SCN3A: variants seen among roughly 807,000 people sequenced by gnomAD.
The protein encoded by SCN3A is sodium channel protein type 3 subunit alpha.
In SCN3A, 60 loss-of-function variants were observed where a neutral mutation model predicts 187.6. The observed-to-expected ratio is 0.32, with a 90% CI of 0.26 to 0.40. SCN3A has a LOEUF of 0.40. Among genes scored for constraint, SCN3A ranks in the 10% least tolerant of loss-of-function variants. The pLI, the probability that SCN3A is intolerant of heterozygous loss-of-function variation, is 1.00. For synonymous variants in SCN3A, 788 were observed against 829.2 expected (o/e 0.95, Z 0.85); for missense variants, 1,601 against 2,428.2 (o/e 0.66, Z 7.16).
At chr2:165,193,690 A>G (rs545048088) in intron 1 of SCN3A, among the ~76,000 whole-genome samples, 14 of 152,246 alleles carry the variant, frequency 9.2e-5, no homozygotes, top group African/African-American at 3.4e-4. Flanking sequence ...TGCCTTTTTC[A>G]CTTGGCAACC....
At chr2:165,186,963 G>A (rs188612711) in intron 1 of SCN3A, among the ~76,000 whole-genome samples, 1 of 152,238 alleles carries the variant, frequency 6.6e-6, no homozygotes, top group East Asian at 1.9e-4. Flanking sequence ...AGGATCCTAG[G>A]GTTGGGACAG....
chr2:165,126,356 G>A (rs1686985644), intron 18 of SCN3A, among the ~76,000 whole-genome samples: 1 of 152,010 alleles, frequency 6.6e-6, no homozygotes, highest in Non-Finnish European at 1.5e-5. Flanking sequence ...TAATCATGCA[G>A]TAGGAACAAT....
intron 15 of SCN3A, among the ~76,000 whole-genome samples, chr2:165,133,281 G>A (rs1687459544): frequency 6.6e-6 from 1 of 152,016 alleles, no homozygotes; most frequent in Non-Finnish European, 1.5e-5. Context: ...CCCATTACTG[G>A]GTATATACCC....
At chr2:165,129,494 A>G (rs1023492278) in intron 17 of SCN3A, among the ~76,000 whole-genome samples, 2 of 152,348 alleles carry the variant, frequency 1.3e-5, no homozygotes, top group African/African-American at 2.4e-5. Flanking sequence ...TATGCAACCT[A>G]TGTCTCTAAG....
At chr2:165,183,425 A>T (rs928950690) in intron 2 of SCN3A, among the ~76,000 whole-genome samples, 1 of 152,232 alleles carries the variant, frequency 6.6e-6, no homozygotes, top group African/African-American at 2.4e-5. Flanking sequence ...TGACTAGTTC[A>T]TTTCAGTTTT....
intron 18 of SCN3A, among the ~76,000 whole-genome samples, chr2:165,117,758 T>C (rs1325070309): frequency 6.6e-6 from 1 of 152,124 alleles, no homozygotes; most frequent in Non-Finnish European, 1.5e-5. Context: ...ATTGTCTTAT[T>C]AAATAGGAAT....
chr2:165,145,690 T>C lies in SCN3A; in HGVS notation c.1671+1049A>G, dbSNP rs10193772. On this transcript the variant is annotated intron_variant, in intron 12 of 27. Coordinates refer to ENST00000283254, the MANE Select transcript of SCN3A (RefSeq NM_006922.4). ...TGTGTTTATTACTTCTGGTTTTTTT[T>C]AGAAGTTTCTTTCTTTATGAAAAAT... is the stretch of plus-strand genomic sequence containing the variant. Among the ~76,000 whole-genome samples, 515 of 152,238 alleles carry C rather than the reference T, an allele frequency of 3.4e-3. 4 individuals are homozygous for C. The highest frequency in any genetic ancestry group is 0.012 in the African/African-American group (488 of 41,576).
chr2:165,126,349 T>C (rs945814987), intron 18 of SCN3A, among the ~76,000 whole-genome samples: 1 of 152,162 alleles, frequency 6.6e-6, no homozygotes, highest in Non-Finnish European at 1.5e-5. Context: ...AGAATACTAA[T>C]CATGCAGTAG....
At chr2:165,189,060 G>A (rs1482731198) in intron 1 of SCN3A, among the ~76,000 whole-genome samples, 2 of 152,110 alleles carry the variant, frequency 1.3e-5, no homozygotes, top group African/African-American at 4.8e-5. Flanking sequence ...TTGGTGTAAT[G>A]TCCCCAGTAA....
intron 22 of SCN3A, among the ~76,000 whole-genome samples, chr2:165,099,576 G>C (rs1685510116): frequency 6.6e-6 from 1 of 152,076 alleles, no homozygotes; most frequent in African/African-American, 2.4e-5. Flanking sequence ...AAATTAGCGG[G>C]CGTGGTGGCG....
chr2:165,109,165 C>T (rs1040928873), intron 21 of SCN3A, among the ~76,000 whole-genome samples: 2 of 152,142 alleles, frequency 1.3e-5, no homozygotes, highest in Non-Finnish European at 2.9e-5. Flanking sequence ...TACTACTTCT[C>T]AGTCTAATTT....
chr2:165,123,995 T>C (rs1441033814), intron 18 of SCN3A, among the ~76,000 whole-genome samples: 1 of 152,148 alleles, frequency 6.6e-6, no homozygotes, highest in African/African-American at 2.4e-5. Flanking sequence ...CTGTGCAAGA[T>C]AATTTGAAAT....
At chr2:165,130,615 G>A (rs1417126660) in intron 16 of SCN3A, among the ~76,000 whole-genome samples, 1 of 151,914 alleles carries the variant, frequency 6.6e-6, no homozygotes, top group East Asian at 1.9e-4. Flanking sequence ...GCAAATAAAT[G>A]TTATCTTCAG....
At chr2:165,157,447 G>A (rs546435469) in intron 9 of SCN3A, among the ~76,000 whole-genome samples, 149 of 152,228 alleles carry the variant, frequency 9.8e-4, no homozygotes, top group African/African-American at 3.4e-3. Context: ...GGATTTTTGG[G>A]TGGAAGACTA....
At chr2:165,138,234 A>G (rs1435392213) in intron 14 of SCN3A, 117 bp from the exon 15 acceptor site, 3 of 754,206 alleles carry the variant, frequency 4.0e-6, no homozygotes, top group African/African-American at 3.5e-5. Context: ...AGAAGTTCAT[A>G]TTACTTAAGA....
At position 165,127,710 on chromosome 2, in the gene SCN3A, A is replaced by G; in HGVS notation, c.3314T>C (p.Ile1105Thr). 1 of 1,614,192 alleles carries G rather than the reference A, an allele frequency of 6.2e-7. No individual in the cohort carries two copies. Among genetic ancestry groups the G allele is most frequent in the Non-Finnish European group, 8.5e-7 (1 of 1,180,022 alleles). ...TTCAAAGTCAGACTCTCCAACAGCA[A>G]TTGGCACTGTGACGGTGAGGCTGGG... ...NNPSLTVTVP[I>T]AVGESDFENL... The change falls in exon 18 of 28, where the codon ATT (isoleucine) becomes ACT (threonine). Residue 1105 changes from isoleucine to threonine, a missense_variant. Ile to Thr is a moderately conservative substitution (Grantham distance 89). Coordinates refer to ENST00000283254, the MANE Select transcript of SCN3A (RefSeq NM_006922.4).
Position 165,092,379 on chromosome 2 carries a change from A to C in SCN3A, c.4682T>G (p.Ile1561Ser). 6.2e-7 allele frequency: 1 copy of C among 1,613,994 alleles called. No individual in the cohort carries two copies. The highest frequency in any genetic ancestry group is 8.5e-7 in the Non-Finnish European group (1 of 1,179,950). The change falls in exon 27 of 28, where the codon ATC (isoleucine) becomes AGC (serine). Residue 1561 changes from isoleucine (I) to serine (S), a missense_variant. This residue lies in a region of SCN3A where 320 missense variants were observed against 623.2 expected (regional missense o/e 0.51). Coordinates refer to ENST00000283254, the MANE Select transcript of SCN3A (RefSeq NM_006922.4). The surrounding 1 kb of genome is among the most constrained non-coding windows in gnomAD (Gnocchi z 4.2). ...GKYMTLVLSRINLVFIVLFTG... is the reference protein window; with the variant it reads ...GKYMTLVLSRSNLVFIVLFTG... ...GAACAGAACAATGAACACTAGGTTGATCCGGGACAAAACTAGGGTCATGTA... is the reference window on the plus strand; with the variant it reads ...GAACAGAACAATGAACACTAGGTTGCTCCGGGACAAAACTAGGGTCATGTA...
chr2:165,185,017 A>T lies in SCN3A; in HGVS notation c.-51+1534T>A, dbSNP rs564962885. ...CATGTGTTAACTATTTAACGAGATG[A>T]TCTATTTCTGTTTTTCTGTACCTGG... is the stretch of plus-strand genomic sequence containing the variant. On this transcript the variant is annotated intron_variant, in intron 2 of 27. Transcript: ENST00000283254. Among the ~76,000 whole-genome samples, 5 of 151,868 alleles carry T rather than the reference A, an allele frequency of 3.3e-5. No homozygotes were observed. In the East Asian group the frequency reaches 9.7e-4, roughly 29 times the overall value.
In SCN3A at chr2:165,203,942, A is replaced by G. The variant is rs1383530068; in HGVS notation, c.-367T>C. 1.0e-5 allele frequency: 1 copy of G among 97,956 alleles called. No homozygotes were observed. The highest frequency in any genetic ancestry group is 2.0e-5 in the Non-Finnish European group (1 of 49,872). The allele number at this position is 97,956 out of a possible 1,614,324, so 6.1% of individuals were successfully genotyped here. On this transcript the variant is annotated 5_prime_UTR_variant, in exon 1 of 28. Coordinates refer to ENST00000283254, the MANE Select transcript of SCN3A (RefSeq NM_006922.4). Reference sequence around the variant, plus strand: ...TTTTTTTTTTTTTTTTTTTTTGACCACAGAGGTTTACAAATTAGTTACAAT... The same window carrying G: ...TTTTTTTTTTTTTTTTTTTTTGACCGCAGAGGTTTACAAATTAGTTACAAT...
Sources: gnomAD v4.1 joint callset for allele counts (sites outside exome capture counted in the v4.1 genomes callset) on GRCh38, gnomAD v4.1.1 for gene constraint, gnomAD v4.1.1 regional missense constraint, Gnocchi (gnomAD v3.1) non-coding constraint, MANE v1.5 for transcripts, NCBI Gene and HGNC (gene_info 2026-07-23, HGNC 2026-07-21) for gene names.